Variants in WNK3 observed in about 807,000 individuals in gnomAD.
The protein encoded by WNK3 is WNK lysine deficient protein kinase 3.
WNK3 carries 18 observed loss-of-function variants against 116.7 expected under a neutral mutation model. The observed-to-expected ratio is 0.15, with a 90% confidence interval of 0.11 to 0.23. The LOEUF (loss-of-function observed/expected upper bound fraction) is 0.23, where lower values mean the gene tolerates loss of function less well. Among genes scored for constraint, WNK3 ranks in the 10% least tolerant of loss-of-function variants. WNK3 has a pLI of 1.00. For missense variants in WNK3, 993 were observed against 1,323.8 expected (o/e 0.75, Z 3.88); for synonymous variants, 404 against 469.4 (o/e 0.86, Z 1.80).
chrX:54,292,880 T>C lies in WNK3; in HGVS notation c.2037+8A>G. 5 of 1,204,809 alleles carry C rather than the reference T, an allele frequency of 4.2e-6. No homozygotes were observed. Among genetic ancestry groups the C allele is most frequent in the Non-Finnish European group, 5.6e-6 (5 of 892,787 alleles). ...AAATGAATACAGAACCTCTAAAATG[T>C]GTCTTACCTTTATCTGTGGGACCTT... On this transcript the variant is annotated splice_region_variant and intron_variant, in intron 10 of 23. Coordinates refer to ENST00000354646, the Ensembl canonical transcript of WNK3.
intron 10 of WNK3, among the ~76,000 whole-genome samples, chrX:54,288,259 A>G (rs1387275512): frequency 9.0e-6 from 1 of 111,528 alleles, no homozygotes; most frequent in Non-Finnish European, 1.9e-5. Flanking sequence ...GCCAGTTGCA[A>G]CTGTTCTTGC....
exon 10 of WNK3, chrX:54,292,986 C>T (rs1557165384): frequency 5.0e-6 from 6 of 1,209,086 alleles, no homozygotes; most frequent in Non-Finnish European, 4.5e-6. Flanking sequence ...GTGGACTGAC[C>T]TTGAACCAAA....
chrX:54,304,400 G>T (rs1448447600), intron 5 of WNK3, among the ~76,000 whole-genome samples: 2 of 109,153 alleles, frequency 1.8e-5, no homozygotes, highest in Non-Finnish European at 3.8e-5. Context: ...AAATAGCTGC[G>T]TGTGGTGGTG....
chrX:54,213,956 G>A (rs868937645), intron 22 of WNK3, among the ~76,000 whole-genome samples: 1 of 110,436 alleles, frequency 9.1e-6, no homozygotes. Flanking sequence ...AACTACTATT[G>A]AAGAGTTTGA....
chrX:54,253,271 G>A (rs2068155429), intron 13 of WNK3, among the ~76,000 whole-genome samples: 1 of 110,008 alleles, frequency 9.1e-6, no homozygotes, highest in African/African-American at 3.3e-5. Context: ...ATAATAAAAG[G>A]TAACTTTTTT....
At chrX:54,325,220 C>T (rs1345616874) in intron 2 of WNK3, among the ~76,000 whole-genome samples, 2 of 110,859 alleles carry the variant, frequency 1.8e-5, no homozygotes, top group Non-Finnish European at 3.8e-5. Flanking sequence ...GGCTATAGCT[C>T]GAGTTGTTAG....
rs185029512 is a variant in WNK3 at position 54,303,489 on chromosome X, G to A, written c.1090-1630C>T. Among the ~76,000 whole-genome samples, 465 of 111,327 alleles carry A rather than the reference G, an allele frequency of 4.2e-3. 4 individuals carry two copies. Among genetic ancestry groups the A allele is most frequent in the African/African-American group, 0.014 (443 of 30,762 alleles). The stretch of plus-strand genomic sequence containing the variant: ...GAAAGAATAATTGTTATGGAATGAA[G>A]CAATCTAACATCTACTTCTACGCCT... On this transcript the variant is annotated intron_variant, in intron 5 of 23. Transcript: ENST00000354646.
intron 13 of WNK3, among the ~76,000 whole-genome samples, chrX:54,252,426 T>G (rs2068143172): frequency 9.0e-6 from 1 of 110,590 alleles, no homozygotes; most frequent in African/African-American, 3.3e-5. Flanking sequence ...GCCCAGCACT[T>G]TGGGAGGCTG....
chrX:54,317,363 T>C (rs2068971253), intron 2 of WNK3, among the ~76,000 whole-genome samples: 1 of 110,346 alleles, frequency 9.1e-6, no homozygotes, highest in Admixed American at 9.8e-5. Flanking sequence ...TTTCACCATG[T>C]TGGCCAGGCT....
intron 21 of WNK3, among the ~76,000 whole-genome samples, chrX:54,229,876 A>G (rs1453887647): frequency 8.9e-6 from 1 of 111,845 alleles, no homozygotes; most frequent in Non-Finnish European, 1.9e-5. Flanking sequence ...AGTAATTCCA[A>G]ATGTGTCATA....
intron 2 of WNK3, among the ~76,000 whole-genome samples, chrX:54,322,225 G>A (rs1268871430): frequency 9.0e-6 from 1 of 111,578 alleles, no homozygotes; most frequent in Admixed American, 9.7e-5. Context: ...CACCAAGCCA[G>A]CTTCTGATTA....
At chrX:54,251,801 C>T (rs2068132928) in intron 13 of WNK3, 114 bp from the exon 14 acceptor site, 1 of 715,009 alleles carries the variant, frequency 1.4e-6, no homozygotes, top group African/African-American at 2.2e-5. Flanking sequence ...CACAGTGGCT[C>T]ATGCCTGTAA....
intron 10 of WNK3, among the ~76,000 whole-genome samples, chrX:54,273,377 C>T (rs932405958): frequency 1.1e-4 from 12 of 111,209 alleles, no homozygotes; most frequent in African/African-American, 3.6e-4. Flanking sequence ...TAGATCACTA[C>T]AGGTCAGCAG....
At chrX:54,227,889 A>T (rs1331061467) in intron 22 of WNK3, among the ~76,000 whole-genome samples, 2 of 111,805 alleles carry the variant, frequency 1.8e-5, no homozygotes, top group African/African-American at 6.5e-5. Flanking sequence ...ATTTTATTTT[A>T]TTTATTTTAT....
At chrX:54,284,397 G>A (rs1431998155) in intron 10 of WNK3, among the ~76,000 whole-genome samples, 1 of 111,650 alleles carries the variant, frequency 9.0e-6, no homozygotes, top group Non-Finnish European at 1.9e-5. Flanking sequence ...TGGTGAGGGT[G>A]TGGAGCTCTC....
At chrX:54,346,279 C>CAAAAAAAAAAA (rs150788845) in intron 1 of WNK3, among the ~76,000 whole-genome samples, 3 of 30,354 alleles carry the variant, frequency 9.9e-5, no homozygotes, top group Admixed American at 6.3e-4. Flanking sequence ...GCTGATCAGC[C>CAAAAAAAAAAA]AAAAAAAAAA....
At chrX:54,255,712 C>T in intron 12 of WNK3, 28 bp downstream of exon 12, 1 of 1,199,612 alleles carries the variant, frequency 8.3e-7, no homozygotes, top group Non-Finnish European at 1.1e-6. Context: ...TATATGTACT[C>T]TTAACCAAAC....
intron 2 of WNK3, among the ~76,000 whole-genome samples, chrX:54,319,172 T>C (rs782345995): frequency 9.0e-6 from 1 of 110,548 alleles, no homozygotes; most frequent in South Asian, 3.9e-4. Flanking sequence ...TAATTAGTAA[T>C]TCTTTTTTGA....
intron 2 of WNK3, among the ~76,000 whole-genome samples, chrX:54,318,983 G>A (rs1202407129): frequency 9.1e-6 from 1 of 109,753 alleles, no homozygotes; most frequent in Admixed American, 9.8e-5. Flanking sequence ...TCGCCATGTT[G>A]GCCAGGCTGG....
Sources: allele counts gnomAD v4.1 joint callset (sites outside exome capture counted in the v4.1 genomes callset), GRCh38; gene constraint gnomAD v4.1.1; transcripts MANE v1.5; gene names NCBI Gene and HGNC (gene_info 2026-07-23, HGNC 2026-07-21).